Variants in MSI2 observed in about 807,000 individuals in gnomAD.
MSI2 encodes musashi RNA binding protein 2, also known as RNA-binding protein Musashi homolog 2.
A neutral mutation model predicts 45.6 loss-of-function variants in MSI2; 17 were observed. The observed-to-expected ratio is 0.37, with a 90% CI of 0.26 to 0.56. The LOEUF (loss-of-function observed/expected upper bound fraction) is 0.56, where lower values mean the gene tolerates loss of function less well. Among genes scored for constraint, MSI2 ranks in the 20% least tolerant of loss-of-function variants. The pLI is 0.77. For missense variants in MSI2, 293 were observed against 444.2 expected (o/e 0.66, Z 3.06); for synonymous variants, 156 against 158.2 (o/e 0.99, Z 0.11).
At position 57,625,041 on chromosome 17, in the gene MSI2, C is replaced by T. The variant is rs117420022; in HGVS notation, c.653-2188C>T. 6.1e-3 allele frequency among the ~76,000 whole-genome samples: 931 copies of T among 152,240 alleles called. 7 individuals are homozygous for T. Among genetic ancestry groups the T allele is most frequent in the Non-Finnish European group, 0.011 (719 of 68,012 alleles). On this transcript the variant is annotated intron_variant, in intron 9 of 13. Transcript: ENST00000284073. ...ATGGCCCCTTCTAACCGTGTCCTCA[C>T]GTGTTGGAAGGGGTGAGGGTCTCTC... is the stretch of plus-strand genomic sequence containing the variant.
intron 5 of MSI2, among the ~76,000 whole-genome samples, chr17:57,293,593 T>TTTG (rs1910638390): frequency 1.2e-5 from 1 of 82,618 alleles, no homozygotes; most frequent in Admixed American, 1.4e-4. Flanking sequence ...TATTGTTTTT[T>TTTG]TGTTTTTTTT....
intron 6 of MSI2, among the ~76,000 whole-genome samples, chr17:57,424,869 G>A (rs2084462795): frequency 6.6e-6 from 1 of 152,140 alleles, no homozygotes; most frequent in Non-Finnish European, 1.5e-5. Flanking sequence ...AGAGGGAGGA[G>A]CTTAGCCCAG....
intron 5 of MSI2, among the ~76,000 whole-genome samples, chr17:57,370,869 T>C (rs1012392205): frequency 1.3e-5 from 2 of 152,328 alleles, no homozygotes; most frequent in Non-Finnish European, 2.9e-5. Context: ...AAACCCTGTG[T>C]TGAAGTCACC....
intron 5 of MSI2, among the ~76,000 whole-genome samples, chr17:57,327,721 C>T (rs1345736830): frequency 6.6e-6 from 1 of 152,208 alleles, no homozygotes; most frequent in Non-Finnish European, 1.5e-5. Flanking sequence ...AACCAAGCCA[C>T]TATGGGATGC....
Position 57,681,728 on chromosome 17 carries a change from C to A in MSI2, c.*2211C>A, listed in dbSNP as rs1218256981. The A allele has an allele frequency of 2.1e-5, 4 of 187,356 alleles. No homozygotes were observed. The highest frequency in any genetic ancestry group is 7.2e-5 in the African/African-American group (3 of 41,578). The allele number at this position is 187,356 out of a possible 1,614,324, so 11.6% of individuals were successfully genotyped here. A position where few individuals can be genotyped will look rare whatever the true frequency, so the allele number is the denominator to read the frequency against. On this transcript the variant is annotated 3_prime_UTR_variant, in exon 14 of 14. Transcript: ENST00000284073. ...TTTTTTTCCTTTCTTTGTTTCTTTT[C>A]TTTTCCCCCAAACAACCAGATTAAA...
At chr17:57,492,486 G>C (rs1344952851) in intron 6 of MSI2, among the ~76,000 whole-genome samples, 1 of 152,206 alleles carries the variant, frequency 6.6e-6, no homozygotes, top group African/African-American at 2.4e-5. Context: ...GAAAAACATA[G>C]TTTTTGATAG....
intron 5 of MSI2, among the ~76,000 whole-genome samples, chr17:57,273,203 TA>T (rs1007695431): frequency 6.6e-6 from 1 of 152,168 alleles, no homozygotes; most frequent in African/African-American, 2.4e-5. Context: ...CTGACTTGAT[TA>T]GGGGGCCCTT....
At chr17:57,641,250 T>C (rs1234246643) in intron 10 of MSI2, among the ~76,000 whole-genome samples, 1 of 152,128 alleles carries the variant, frequency 6.6e-6, no homozygotes, top group Non-Finnish European at 1.5e-5. Context: ...GAGCTAGTGA[T>C]GGGGCCAAAG....
intron 6 of MSI2, among the ~76,000 whole-genome samples, chr17:57,487,372 T>A (rs2085776205): frequency 6.6e-6 from 1 of 152,168 alleles, no homozygotes; most frequent in Non-Finnish European, 1.5e-5. Flanking sequence ...CTCTCTTTTT[T>A]CTGTCCCCAC....
chr17:57,617,465 A>C (rs1407916242), intron 9 of MSI2, among the ~76,000 whole-genome samples: 1 of 152,256 alleles, frequency 6.6e-6, no homozygotes, highest in Non-Finnish European at 1.5e-5. Flanking sequence ...AAAAGGGTAG[A>C]GTCTAAACTA....
chr17:57,654,931 T>C (rs1911478765), intron 11 of MSI2, among the ~76,000 whole-genome samples: 1 of 144,714 alleles, frequency 6.9e-6, no homozygotes, highest in African/African-American at 2.7e-5. Context: ...TTTTTTTTTT[T>C]TCCTTCCATT....
At chr17:57,473,500 T>C (rs1014814598) in intron 6 of MSI2, among the ~76,000 whole-genome samples, 1 of 152,216 alleles carries the variant, frequency 6.6e-6, no homozygotes, top group Non-Finnish European at 1.5e-5. Context: ...TTCCCTGACA[T>C]GGGGCATTTC....
intron 6 of MSI2, among the ~76,000 whole-genome samples, chr17:57,430,320 T>G (rs894074426): frequency 6.7e-6 from 1 of 149,276 alleles, no homozygotes; most frequent in African/African-American, 2.5e-5. Context: ...AGTATAAACA[T>G]TTTTTTTTTC....
In MSI2 at chr17:57,588,184, G is replaced by T. The variant is rs546591853; in HGVS notation, c.455-8684G>T. Reference sequence around the variant, plus strand: ...TGCCAGCAGACCCCTCGCATCCATCGCGGGCTTGTTTACTGGCCCACCAGG... The same window carrying T: ...TGCCAGCAGACCCCTCGCATCCATCTCGGGCTTGTTTACTGGCCCACCAGG... On this transcript the variant is annotated intron_variant, in intron 7 of 13. Coordinates refer to ENST00000284073, the MANE Select transcript of MSI2 (RefSeq NM_138962.4). Among the ~76,000 whole-genome samples the T allele has an allele frequency of 2.6e-5, 4 of 152,128 alleles. No individual in the cohort carries two copies. The South Asian group carries it at 8.3e-4, about 32-fold the overall frequency.
chr17:57,636,415 C>T (rs938120594), intron 10 of MSI2, among the ~76,000 whole-genome samples: 6 of 152,102 alleles, frequency 3.9e-5, no homozygotes, highest in African/African-American at 1.4e-4. Context: ...CCTGGGCCAC[C>T]GGGGGGAGCA....
chr17:57,541,357 G>A (rs533781165), intron 7 of MSI2, among the ~76,000 whole-genome samples: 2 of 152,160 alleles, frequency 1.3e-5, no homozygotes, highest in South Asian at 2.1e-4. Flanking sequence ...TGGCAATTCA[G>A]GGAAATAATC....
At position 57,681,924 on chromosome 17, in the gene MSI2, C is replaced by T; in HGVS notation, c.*2407C>T. On this transcript the variant is annotated 3_prime_UTR_variant, in exon 14 of 14. Coordinates refer to ENST00000284073, the MANE Select transcript of MSI2 (RefSeq NM_138962.4). The stretch of plus-strand genomic sequence containing the variant: ...CCATGTTGGTGATGTACTGTACTTC[C>T]CTTCCTTTTCTCTGCATCCCCCATC... The T allele has an allele frequency of 4.8e-6, 1 of 209,958 alleles. No homozygotes were observed. The highest frequency in any genetic ancestry group is 5.9e-5 in the Admixed American group (1 of 16,944). The allele number at this position is 209,958 out of a possible 1,614,324, so 13.0% of individuals were successfully genotyped here.
chr17:57,290,959 G>A (rs139054287), intron 5 of MSI2, among the ~76,000 whole-genome samples: 1 of 152,216 alleles, frequency 6.6e-6, no homozygotes, highest in Admixed American at 6.5e-5. Flanking sequence ...TCAGTGTCCT[G>A]GGTGTAAACC....
chr17:57,262,414 C>T, intron 5 of MSI2: 1 of 463,792 alleles, frequency 2.2e-6, no homozygotes, highest in South Asian at 4.9e-5. Context: ...AGGGACAAGT[C>T]TGATGCTTAG....
Sources: allele counts gnomAD v4.1 joint callset (sites outside exome capture counted in the v4.1 genomes callset), GRCh38; gene constraint gnomAD v4.1.1; transcripts MANE v1.5; gene names NCBI Gene and HGNC (gene_info 2026-07-23, HGNC 2026-07-21).